RSPRY1: variants seen among roughly 807,000 people sequenced by gnomAD.
RSPRY1 encodes the protein ring finger and SPRY domain containing 1, also known as RING finger and SPRY domain-containing protein 1.
RSPRY1 carries 23 observed loss-of-function variants against 73.1 expected under a neutral mutation model. The observed-to-expected ratio is 0.31, with a 90% CI of 0.23 to 0.45. The LOEUF (loss-of-function observed/expected upper bound fraction) is 0.45, where lower values mean the gene tolerates loss of function less well. Ranked by LOEUF, RSPRY1 falls within the 20% of genes least tolerant of loss-of-function variation. The pLI, the probability that RSPRY1 is intolerant of heterozygous loss-of-function variation, is 1.00. For missense variants in RSPRY1, 448 were observed against 698.7 expected (o/e 0.64, Z 4.05); for synonymous variants, 226 against 251.4 (o/e 0.90, Z 0.95).
At chr16:57,232,319 G>T (rs2075236120) in intron 13 of RSPRY1, among the ~76,000 whole-genome samples, 1 of 152,188 alleles carries the variant, frequency 6.6e-6, no homozygotes. Context: ...ACTAGAAAAT[G>T]GGACGATGAT....
chr16:57,205,131 G>A, intron 2 of RSPRY1, 123 bp downstream of exon 2: 2 of 683,084 alleles, frequency 2.9e-6, no homozygotes, highest in Non-Finnish European at 4.9e-6. Context: ...ACAGGGCAAA[G>A]GAGAATATTT....
At chr16:57,210,901 C>T (rs879465396) in intron 4 of RSPRY1, among the ~76,000 whole-genome samples, 1 of 151,690 alleles carries the variant, frequency 6.6e-6, no homozygotes, top group Non-Finnish European at 1.5e-5. Context: ...GCCTATAGTC[C>T]CAGCTGCTCA....
intron 8 of RSPRY1, chr16:57,219,523 A>G (rs1004389766): frequency 1.3e-5 from 2 of 152,068 alleles, no homozygotes; most frequent in East Asian, 1.9e-4. Flanking sequence ...ATGTTTTCCT[A>G]TTGACTTATA....
intron 1 of RSPRY1, among the ~76,000 whole-genome samples, chr16:57,198,245 G>A (rs956453907): frequency 2.6e-5 from 4 of 151,950 alleles, no homozygotes; most frequent in East Asian, 3.9e-4. Context: ...TTAGCTGGGC[G>A]TGGTGGTGGG....
chr16:57,190,016 A>G lies in RSPRY1; in HGVS notation c.-156+3565A>G, dbSNP rs566523301. ...TACAGCTTTCTTTCACACTCTATAT[A>G]GTTTGGAGAAAATGTTAGGAATTCT... On this transcript the variant is annotated intron_variant, in intron 1 of 14. Transcript: ENST00000394420. Among the ~76,000 whole-genome samples the G allele has an allele frequency of 2.0e-5, 3 of 152,264 alleles. No individual in the cohort carries two copies. In the East Asian group the frequency reaches 5.8e-4, roughly 29 times the overall value.
At chr16:57,222,287 T>A (rs533523919) in intron 10 of RSPRY1, among the ~76,000 whole-genome samples, 1 of 152,328 alleles carries the variant, frequency 6.6e-6, no homozygotes. Flanking sequence ...TAGAGACAGG[T>A]CTCACTGTGT....
intron 1 of RSPRY1, among the ~76,000 whole-genome samples, chr16:57,192,158 G>A (rs1435545324): frequency 6.6e-6 from 1 of 152,150 alleles, no homozygotes; most frequent in Non-Finnish European, 1.5e-5. Context: ...TGCAGTATGA[G>A]TGTTTTAGAC....
intron 8 of RSPRY1, among the ~76,000 whole-genome samples, chr16:57,217,385 TC>T (rs559278935): frequency 6.6e-6 from 1 of 152,272 alleles, no homozygotes; most frequent in South Asian, 2.1e-4. Flanking sequence ...CTGGACCTAT[TC>T]CCCTCACTTG....
intron 10 of RSPRY1, among the ~76,000 whole-genome samples, chr16:57,225,850 G>A (rs753464259): frequency 1.3e-5 from 2 of 152,134 alleles, no homozygotes; most frequent in East Asian, 1.9e-4. Context: ...AGGCCGAGGC[G>A]GGCAGATCAC....
chr16:57,237,734 C>T (rs756400927), intron 14 of RSPRY1, among the ~76,000 whole-genome samples: 6 of 151,046 alleles, frequency 4.0e-5, no homozygotes, highest in African/African-American at 7.3e-5. Flanking sequence ...TTTTTTGAGA[C>T]GGAGTCTCGC....
At chr16:57,203,539 TG>T (rs2074666234) in intron 1 of RSPRY1, among the ~76,000 whole-genome samples, 1 of 152,188 alleles carries the variant, frequency 6.6e-6, no homozygotes, top group African/African-American at 2.4e-5. Context: ...TACCAGCCCA[TG>T]TAAGTCTCCT....
chr16:57,208,685 CCA>C (rs1341482196), intron 3 of RSPRY1, among the ~76,000 whole-genome samples: 4 of 152,078 alleles, frequency 2.6e-5, no homozygotes, highest in Non-Finnish European at 5.9e-5. Flanking sequence ...CAGGTGTGAG[CCA>C]CAGCCCCTGG....
intron 1 of RSPRY1, among the ~76,000 whole-genome samples, chr16:57,189,419 C>T (rs1216394996): frequency 6.6e-6 from 1 of 151,330 alleles, no homozygotes; most frequent in East Asian, 1.9e-4. Flanking sequence ...AAAAACTTAG[C>T]ATTTTGTATA....
intron 10 of RSPRY1, among the ~76,000 whole-genome samples, chr16:57,225,970 C>T (rs577052564): frequency 1.1e-4 from 16 of 152,240 alleles, no homozygotes; most frequent in African/African-American, 3.6e-4. Context: ...CCCAGCTACT[C>T]AGGAGGCTGA....
chr16:57,232,519 C>G (rs1466248935), intron 13 of RSPRY1, among the ~76,000 whole-genome samples: 3 of 152,112 alleles, frequency 2.0e-5, no homozygotes, highest in African/African-American at 7.2e-5. Flanking sequence ...GAGGGGACAC[C>G]TCTCCCTTAT....
chr16:57,191,866 A>G (rs1220751930), intron 1 of RSPRY1, among the ~76,000 whole-genome samples: 2 of 152,192 alleles, frequency 1.3e-5, no homozygotes, highest in African/African-American at 2.4e-5. Context: ...CTGATGGAAC[A>G]AGAGGCCTCC....
In RSPRY1 at chr16:57,230,698, C is replaced by G; in HGVS notation, c.1274-13C>G. ...ACATCATTATCCTAACAGTGTTTCTCTTTATCCTCTAGGAGATACAGTAGG... is the reference window on the plus strand; with the variant it reads ...ACATCATTATCCTAACAGTGTTTCTGTTTATCCTCTAGGAGATACAGTAGG... On this transcript the variant is annotated splice_polypyrimidine_tract_variant and intron_variant, in intron 11 of 14. Transcript: ENST00000394420. The G allele has an allele frequency of 1.4e-6, 2 of 1,442,884 alleles. No homozygotes were observed. Among genetic ancestry groups the G allele is most frequent in the Non-Finnish European group, 1.9e-6 (2 of 1,026,862 alleles). The allele number at this position is 1,442,884 out of a possible 1,614,324, so 89.4% of individuals were successfully genotyped here.
In RSPRY1 at chr16:57,222,343, C is replaced by G. The variant is rs145523580; in HGVS notation, c.1161+928C>G. Among the ~76,000 whole-genome samples, 713 of 152,344 alleles carry G rather than the reference C, an allele frequency of 4.7e-3. 7 individuals are homozygous for G. Among genetic ancestry groups the G allele is most frequent in the African/African-American group, 0.016 (662 of 41,570 alleles). ...TCCTGGGCTCAAGCCATCCTCTTAC[C>G]TCAGCCTCCTGAATAGCTGAGACTA... On this transcript the variant is annotated intron_variant, in intron 10 of 14. Coordinates refer to ENST00000394420, the MANE Select transcript of RSPRY1 (RefSeq NM_133368.3).
At chr16:57,232,571 T>C (rs779126297) in intron 13 of RSPRY1, among the ~76,000 whole-genome samples, 5 of 152,146 alleles carry the variant, frequency 3.3e-5, no homozygotes, top group African/African-American at 4.8e-5. Context: ...GCCTTTTCCT[T>C]GGATGAAGCC....
Sources: allele counts gnomAD v4.1 joint callset (sites outside exome capture counted in the v4.1 genomes callset), GRCh38; gene constraint gnomAD v4.1.1; transcripts MANE v1.5; gene names NCBI Gene and HGNC (gene_info 2026-07-23, HGNC 2026-07-21).